The following PRLR variants were observed in gnomAD, a reference collection of about 807,000 sequenced individuals.
PRLR encodes prolactin receptor, also known as hPRL receptor.
PRLR carries 13 observed loss-of-function variants against 40.2 expected under a neutral mutation model. The observed-to-expected ratio is 0.32, with a 90% confidence interval of 0.21 to 0.51. PRLR has a LOEUF of 0.51. PRLR is among the 20% of genes least tolerant of loss of function. PRLR has a pLI of 0.97. For missense variants in PRLR, 656 were observed against 747.3 expected (o/e 0.88, Z 1.42); for synonymous variants, 269 against 278.7 (o/e 0.97, Z 0.35).
chr5:35,157,352 G>A (rs984193269), intron 1 of PRLR, among the ~76,000 whole-genome samples: 1 of 152,100 alleles, frequency 6.6e-6, no homozygotes. Context: ...AGATTTTGTG[G>A]GGAGTGGACA....
At chr5:35,086,561 GT>G (rs1173725586) in intron 3 of PRLR, among the ~76,000 whole-genome samples, 7 of 118,420 alleles carry the variant, frequency 5.9e-5, no homozygotes, top group African/African-American at 2.8e-4. Context: ...CATTTTGCTG[GT>G]GTGTGTGTGT....
chr5:35,063,475 C>A lies in PRLR; in HGVS notation c.*1614G>T, dbSNP rs572568501. 6 of 152,242 alleles carry A rather than the reference C, an allele frequency of 3.9e-5. No homozygotes were observed. The highest frequency in any genetic ancestry group is 2.1e-4 in the South Asian group (1 of 4,818). The allele number at this position is 152,242 out of a possible 1,614,324, so 9.4% of individuals were successfully genotyped here. On this transcript the variant is annotated 3_prime_UTR_variant, in exon 10 of 10. Coordinates refer to ENST00000618457, the MANE Select transcript of PRLR (RefSeq NM_000949.7). ...TGGATGCGCCCTTTAAAATGAGGAT[C>A]CAAGCTTTGACTTCTTTCAGGAAGC...
intron 1 of PRLR, among the ~76,000 whole-genome samples, chr5:35,137,452 G>C (rs1773894528): frequency 6.6e-6 from 1 of 152,202 alleles, no homozygotes; most frequent in Admixed American, 6.5e-5. Flanking sequence ...TTGGCCTCCT[G>C]TCCTTTGTGG....
At chr5:35,194,527 A>G (rs1186379973) in intron 1 of PRLR, among the ~76,000 whole-genome samples, 1 of 152,204 alleles carries the variant, frequency 6.6e-6, no homozygotes, top group African/African-American at 2.4e-5. Flanking sequence ...TCTTGCTGGA[A>G]AGTCTGCCCA....
In PRLR at chr5:35,066,090, C is replaced by G. The variant is rs1561261358; in HGVS notation, c.868G>C (p.Glu290Gln). The G allele has an allele frequency of 1.2e-6, 2 of 1,612,914 alleles. No individual in the cohort carries two copies. Among genetic ancestry groups the G allele is most frequent in the Admixed American group, 3.3e-5 (2 of 59,946 alleles). The stretch of plus-strand genomic sequence containing the variant: ...CATCCCAAGGCACTCAGTAGTTCTT[C>G]AGACTTGCCCTTCTATTAAAACACA... ...DAHLLEKGKSEELLSALGCQD... is the reference protein window; with the variant it reads ...DAHLLEKGKSQELLSALGCQD... The change falls in exon 10 of 10, where the codon GAA becomes CAA. Residue 290 changes from glutamate (E) to glutamine (Q), a missense_variant. Physicochemically the swap from Glu to Gln is conservative, Grantham distance 29 (BLOSUM62 2). Transcript: ENST00000618457.
At chr5:35,228,851 G>A (rs1037843755) in intron 1 of PRLR, among the ~76,000 whole-genome samples, 1 of 151,994 alleles carries the variant, frequency 6.6e-6, no homozygotes, top group African/African-American at 2.4e-5. Context: ...AGTTGGCTGG[G>A]TGGTCTTGAT....
intron 1 of PRLR, among the ~76,000 whole-genome samples, chr5:35,200,572 T>A (rs2111605298): frequency 6.6e-6 from 1 of 152,270 alleles, no homozygotes; most frequent in East Asian, 1.9e-4. Flanking sequence ...AGAACAAGGC[T>A]TTTCTTAACC....
chr5:35,213,209 T>C (rs1296172890), intron 1 of PRLR, among the ~76,000 whole-genome samples: 1 of 152,188 alleles, frequency 6.6e-6, no homozygotes, highest in Non-Finnish European at 1.5e-5. Flanking sequence ...TGAAATACCA[T>C]TGTGGGAAGT....
chr5:35,185,477 G>A (rs990442066), intron 1 of PRLR, among the ~76,000 whole-genome samples: 3 of 152,044 alleles, frequency 2.0e-5, no homozygotes, highest in Non-Finnish European at 4.4e-5. Flanking sequence ...CTAGGCTTGG[G>A]CCTTTTCTAA....
chr5:35,187,263 T>TGC (rs1561354940), intron 1 of PRLR, among the ~76,000 whole-genome samples: 1 of 151,426 alleles, frequency 6.6e-6, no homozygotes, highest in African/African-American at 2.4e-5. Context: ...TAACCAGGCT[T>TGC]CATGGTGCAT....
intron 1 of PRLR, among the ~76,000 whole-genome samples, chr5:35,217,144 G>T (rs1776304776): frequency 6.6e-6 from 1 of 152,068 alleles, no homozygotes; most frequent in South Asian, 2.1e-4. Flanking sequence ...AACTTCTGAG[G>T]CCTGTGATGA....
At chr5:35,139,187 T>A (rs1387986782) in intron 1 of PRLR, among the ~76,000 whole-genome samples, 5 of 152,130 alleles carry the variant, frequency 3.3e-5, no homozygotes, top group Non-Finnish European at 7.3e-5. Context: ...CAGGCTGGAG[T>A]GCGGTGGTGC....
chr5:35,126,919 C>T (rs1318176673), intron 1 of PRLR, among the ~76,000 whole-genome samples: 1 of 152,162 alleles, frequency 6.6e-6, no homozygotes, highest in Non-Finnish European at 1.5e-5. Flanking sequence ...TAAATACTGG[C>T]TCAATGTCCC....
intron 2 of PRLR, among the ~76,000 whole-genome samples, chr5:35,093,436 C>A (rs1188277290): frequency 6.6e-6 from 1 of 152,206 alleles, no homozygotes; most frequent in Non-Finnish European, 1.5e-5. Context: ...TTCTGTGGAA[C>A]TTGCTCCCAA....
rs532662219 is a variant in PRLR at position 35,075,241 on chromosome 5, T to C, written c.374-2497A>G. ...GCGTGAGGCGAAGCAGGGCAGGTCA[T>C]TGTCTCACCCGGGAAGTGCAAGGGG... On this transcript the variant is annotated intron_variant, in intron 5 of 9. Transcript: ENST00000618457. 3.3e-5 allele frequency among the ~76,000 whole-genome samples: 5 copies of C among 152,242 alleles called. No individual in the cohort carries two copies. In the South Asian group the frequency reaches 1.0e-3, roughly 32 times the overall value.
chr5:35,228,867 A>G (rs1464594581), intron 1 of PRLR, among the ~76,000 whole-genome samples: 1 of 151,952 alleles, frequency 6.6e-6, no homozygotes, highest in Non-Finnish European at 1.5e-5. Flanking sequence ...TTGATACAGG[A>G]GGAGGAATAA....
chr5:35,076,385 C>T (rs1192470818), intron 5 of PRLR, among the ~76,000 whole-genome samples: 1 of 152,058 alleles, frequency 6.6e-6, no homozygotes, highest in Non-Finnish European at 1.5e-5. Context: ...GGCACGAGAA[C>T]TATGTGATGC....
At chr5:35,199,177 A>G (rs954970980) in intron 1 of PRLR, among the ~76,000 whole-genome samples, 1 of 152,174 alleles carries the variant, frequency 6.6e-6, no homozygotes, top group African/African-American at 2.4e-5. Context: ...CAAATCTATG[A>G]GCTCTTCTTA....
intron 6 of PRLR, among the ~76,000 whole-genome samples, chr5:35,072,192 C>G (rs1194082788): frequency 6.6e-6 from 1 of 152,150 alleles, no homozygotes; most frequent in Non-Finnish European, 1.5e-5. Flanking sequence ...ATCCACTGCA[C>G]CCAGCCTGGT....
Sources: allele counts gnomAD v4.1 joint callset (sites outside exome capture counted in the v4.1 genomes callset), GRCh38; gene constraint gnomAD v4.1.1; transcripts MANE v1.5; gene names NCBI Gene and HGNC (gene_info 2026-07-23, HGNC 2026-07-21).